CCDC169: variants seen among roughly 807,000 people sequenced by gnomAD.
The protein encoded by CCDC169 is coiled-coil domain-containing protein 169.
Under a neutral mutation model 36.0 loss-of-function variants are expected in CCDC169, and 30 were observed. The ratio of observed to expected loss-of-function variants is 0.83; its 90% confidence interval spans 0.62 to 1.13. The LOEUF (loss-of-function observed/expected upper bound fraction) is 1.13, where lower values mean the gene tolerates loss of function less well. Among genes scored for constraint, CCDC169 ranks in the 50% most tolerant of loss-of-function variants. The pLI, the probability that CCDC169 is intolerant of heterozygous loss-of-function variation, is 0.00. For synonymous variants in CCDC169, 85 were observed against 81.5 expected (o/e 1.04, Z -0.23); for missense variants, 245 against 245.9 (o/e 1.00, Z 0.03).
chr13:36,254,238 C>A, intron 4 of CCDC169, 95 bp from the exon 5 acceptor site: 1 of 737,366 alleles, frequency 1.4e-6, no homozygotes, highest in Non-Finnish European at 2.0e-6. Flanking sequence ...GCCTTGTATA[C>A]CTAATATTTT....
At chr13:36,281,902 T>C (rs894447908) in intron 4 of CCDC169, among the ~76,000 whole-genome samples, 1 of 152,144 alleles carries the variant, frequency 6.6e-6, no homozygotes, top group Non-Finnish European at 1.5e-5. Flanking sequence ...TTAAGTTATG[T>C]ATATTTACCA....
At chr13:36,288,432 A>T (rs1413038184) in intron 2 of CCDC169, among the ~76,000 whole-genome samples, 1 of 152,244 alleles carries the variant, frequency 6.6e-6, no homozygotes, top group Admixed American at 6.5e-5. Context: ...AATGCTTGTA[A>T]GTGGACTTTT....
intron 4 of CCDC169, among the ~76,000 whole-genome samples, chr13:36,259,662 T>C (rs1010334060): frequency 2.0e-5 from 3 of 152,172 alleles, no homozygotes; most frequent in African/African-American, 7.2e-5. Context: ...TTACACTCTA[T>C]GCAAATGAAG....
intron 2 of CCDC169, among the ~76,000 whole-genome samples, chr13:36,287,727 T>C (rs967476919): frequency 1.3e-5 from 2 of 152,182 alleles, no homozygotes; most frequent in Admixed American, 6.5e-5. Context: ...TTCAGAATTG[T>C]CCCCATACAT....
intron 4 of CCDC169, among the ~76,000 whole-genome samples, chr13:36,274,792 T>C (rs1876546445): frequency 6.6e-6 from 1 of 151,340 alleles, no homozygotes; most frequent in South Asian, 2.1e-4. Context: ...TTTACACACC[T>C]GAAATAAAGT....
chr13:36,248,794 T>C (rs1872793418), intron 6 of CCDC169, 112 bp from the exon 7 acceptor site: 2 of 901,976 alleles, frequency 2.2e-6, no homozygotes, highest in Non-Finnish European at 3.3e-6. Context: ...TTTTGCAGCA[T>C]GTGTAAGAGA....
At chr13:36,228,586 G>T (rs1486064515), downstream of CCDC169, among the ~76,000 whole-genome samples, 1 of 152,134 alleles carries the variant, frequency 6.6e-6, no homozygotes, top group East Asian at 1.9e-4. Flanking sequence ...TTGAGACAGG[G>T]TCTTACTCTG....
At chr13:36,244,333 G>A (rs1872223104) in intron 7 of CCDC169, 1 of 152,172 alleles carries the variant, frequency 6.6e-6, no homozygotes, top group Admixed American at 6.5e-5. Flanking sequence ...TTTCCTTCTG[G>A]GAGTCTGGAA....
intron 4 of CCDC169, among the ~76,000 whole-genome samples, chr13:36,279,506 G>A (rs1286939692): frequency 1.3e-5 from 2 of 152,100 alleles, no homozygotes; most frequent in Non-Finnish European, 2.9e-5. Context: ...TATACTTGAA[G>A]CAGTGGTTCT....
intron 4 of CCDC169, among the ~76,000 whole-genome samples, chr13:36,268,777 T>G (rs1875660895): frequency 1.3e-5 from 2 of 152,214 alleles, no homozygotes; most frequent in Admixed American, 1.3e-4. Context: ...GAAATGATCC[T>G]GGAAACATTA....
chr13:36,227,194 T>G (rs1869924181), downstream of CCDC169: 4 of 1,512,816 alleles, frequency 2.6e-6, no homozygotes, highest in South Asian at 2.5e-5. Flanking sequence ...GTCTGAGTAT[T>G]TTACTTTTAG....
intron 4 of CCDC169, among the ~76,000 whole-genome samples, chr13:36,265,676 A>G (rs1326513256): frequency 6.6e-6 from 1 of 152,144 alleles, no homozygotes; most frequent in East Asian, 1.9e-4. Flanking sequence ...TACAATTTTG[A>G]TCTGATGAAG....
chr13:36,240,569 C>T lies in CCDC169; in HGVS notation c.545+8037G>A, dbSNP rs896271114. ...TACGCCCCTAACAATCTGTCTCTTA[C>T]CAAGTCCTAGTATCAATTTCCCTCA... On this transcript the variant is annotated intron_variant, in intron 7 of 7. Transcript: ENST00000239859. 98 of 1,233,852 alleles carry T rather than the reference C, an allele frequency of 7.9e-5. 1 individual carries two copies. Among genetic ancestry groups the T allele is most frequent in the Admixed American group, 2.8e-4 (10 of 35,436 alleles). 76.4% of individuals were successfully genotyped at this position (1,233,852 alleles called of 1,614,324 possible).
intron 7 of CCDC169, among the ~76,000 whole-genome samples, chr13:36,241,550 T>C (rs1346153362): frequency 6.9e-6 from 1 of 145,744 alleles, no homozygotes; most frequent in Non-Finnish European, 1.5e-5. Context: ...GAATTATCCA[T>C]AATGTTGTAT....
At chr13:36,227,619 C>T (rs564908533), downstream of CCDC169, among the ~76,000 whole-genome samples, 9 of 152,126 alleles carry the variant, frequency 5.9e-5, no homozygotes, top group Non-Finnish European at 1.2e-4. Context: ...CATTTATCTA[C>T]TAATATTAAA....
intron 4 of CCDC169, among the ~76,000 whole-genome samples, chr13:36,264,594 A>G (rs1022682688): frequency 6.6e-6 from 1 of 152,240 alleles, no homozygotes; most frequent in African/African-American, 2.4e-5. Flanking sequence ...CTGACAGAGG[A>G]TGTTTTCTGT....
chr13:36,290,530 A>C lies in CCDC169; in HGVS notation c.163+5248T>G, dbSNP rs149800607. On this transcript the variant is annotated intron_variant, in intron 2 of 7. Coordinates refer to ENST00000239859, the MANE Select transcript of CCDC169 (RefSeq NM_001144981.3). The stretch of plus-strand genomic sequence containing the variant: ...CTCCAGGCCCAGGGGCTATCGCAGA[A>C]GTGTATCATTGTAAGGGCCAGATTT... 5.8e-3 allele frequency among the ~76,000 whole-genome samples: 888 copies of C among 152,260 alleles called. 10 individuals carry two copies. Among genetic ancestry groups the C allele is most frequent in the African/African-American group, 0.02 (837 of 41,544 alleles).
intron 6 of CCDC169, 79 bp from the exon 7 acceptor site, chr13:36,248,761 T>C (rs1224668633): frequency 1.5e-6 from 2 of 1,308,410 alleles, no homozygotes; most frequent in East Asian, 5.1e-5. Context: ...CAATTCTCAA[T>C]TAACTCTCCC....
chr13:36,240,779 G>A (rs1297469858), intron 7 of CCDC169: 2 of 331,434 alleles, frequency 6.0e-6, no homozygotes, highest in Non-Finnish European at 1.1e-5. Flanking sequence ...TTGCTTTCGG[G>A]AATATGATTT....
Sources: allele counts gnomAD v4.1 joint callset (sites outside exome capture counted in the v4.1 genomes callset), GRCh38; gene constraint gnomAD v4.1.1; transcripts MANE v1.5; gene names NCBI Gene and HGNC (gene_info 2026-07-23, HGNC 2026-07-21).